The following EYS variants were observed in gnomAD, a reference collection of about 807,000 sequenced individuals.
The protein encoded by EYS is EGF-like photoreceptor maintenance factor.
In EYS, 250 loss-of-function variants were observed where a neutral mutation model predicts 282.1. The observed-to-expected ratio is 0.89, with a 90% CI of 0.80 to 0.98. The LOEUF (loss-of-function observed/expected upper bound fraction) is 0.98. Ranked by LOEUF, EYS falls within the 50% of genes least tolerant of loss-of-function variation. EYS has a pLI of 0.00. For synonymous variants in EYS, 1,355 were observed against 1,282.9 expected (o/e 1.06, Z -1.20); for missense variants, 4,016 against 3,709.0 (o/e 1.08, Z -2.15).
intron 14 of EYS, among the ~76,000 whole-genome samples, chr6:64,968,519 T>G (rs1770177061): frequency 6.6e-6 from 1 of 152,222 alleles, no homozygotes; most frequent in Non-Finnish European, 1.5e-5. Context: ...CCAATCAATC[T>G]CTTTCTCCTT....
At chr6:65,641,601 T>TA in intron 1 of EYS, among the ~76,000 whole-genome samples, 1 of 152,362 alleles carries the variant, frequency 6.6e-6, no homozygotes, top group Non-Finnish European at 1.5e-5. Context: ...CTGTATTACT[T>TA]ACAGTGGTAG....
At chr6:65,362,807 G>A (rs1764764079) in intron 8 of EYS, among the ~76,000 whole-genome samples, 2 of 151,992 alleles carry the variant, frequency 1.3e-5, no homozygotes, top group East Asian at 3.9e-4. Context: ...TGATTCTGAT[G>A]TATTTATTTT....
chr6:65,046,180 G>A (rs891996080), intron 13 of EYS, among the ~76,000 whole-genome samples: 1 of 151,692 alleles, frequency 6.6e-6, no homozygotes, highest in East Asian at 2.0e-4. Flanking sequence ...ACTCCTCTTA[G>A]GCTACAGAGC....
chr6:64,176,912 T>C (rs1764654047), intron 31 of EYS, among the ~76,000 whole-genome samples: 1 of 152,012 alleles, frequency 6.6e-6, no homozygotes, highest in South Asian at 2.1e-4. Flanking sequence ...TTTGACTTTA[T>C]GACAAAGTTG....
chr6:64,540,994 C>G (rs751253050), intron 26 of EYS, among the ~76,000 whole-genome samples: 1 of 152,138 alleles, frequency 6.6e-6, no homozygotes, highest in Non-Finnish European at 1.5e-5. Context: ...TGCTCCACGG[C>G]GGCTGAGTTA....
chr6:65,529,731 C>T (rs1445261983), intron 2 of EYS, among the ~76,000 whole-genome samples: 3 of 152,098 alleles, frequency 2.0e-5, no homozygotes, highest in Non-Finnish European at 4.4e-5. Context: ...GTGATTAAAT[C>T]ATGATGTAAT....
At position 65,411,813 on chromosome 6, in the gene EYS, G is replaced by A. The variant is rs192489454; in HGVS notation, c.863-6446C>T. On this transcript the variant is annotated intron_variant, in intron 5 of 42. Transcript: ENST00000503581. Reference sequence around the variant, plus strand: ...TTAAAGCTCTTATGTGCACCAATACGTCTTTTTTTTTTTTTCGGTTAATTG... The same window carrying A: ...TTAAAGCTCTTATGTGCACCAATACATCTTTTTTTTTTTTTCGGTTAATTG... 4.8e-3 allele frequency among the ~76,000 whole-genome samples: 704 copies of A among 147,180 alleles called. 6 individuals carry two copies. The highest frequency in any genetic ancestry group is 0.017 in the African/African-American group (668 of 39,504).
At chr6:65,487,377 G>C (rs1765833133) in intron 5 of EYS, among the ~76,000 whole-genome samples, 1 of 152,106 alleles carries the variant, frequency 6.6e-6, no homozygotes, top group African/African-American at 2.4e-5. Flanking sequence ...AGAGTTTTTA[G>C]CATGAAAGGC....
At chr6:64,828,880 G>T (rs1389091473) in intron 19 of EYS, among the ~76,000 whole-genome samples, 1 of 151,946 alleles carries the variant, frequency 6.6e-6, no homozygotes, top group African/African-American at 2.4e-5. Context: ...TGGATGGGTT[G>T]ACTTGGTATA....
chr6:63,973,688 T>C (rs1402673719), intron 35 of EYS, among the ~76,000 whole-genome samples: 1 of 152,166 alleles, frequency 6.6e-6, no homozygotes, highest in Admixed American at 6.5e-5. Flanking sequence ...ACTTGGTAAT[T>C]ATTAGGTCAA....
Position 65,169,481 on chromosome 6 carries a change from A to C in EYS, c.2024-111754T>G, listed in dbSNP as rs188371485. ...TTAAATGTTTACATTTTAATTAGAG[A>C]TATCAGAAAACACAGTATAACCTCT... On this transcript the variant is annotated intron_variant, in intron 12 of 42. Coordinates refer to ENST00000503581, the MANE Select transcript of EYS (RefSeq NM_001142800.2). Among the ~76,000 whole-genome samples, 703 of 151,654 alleles carry C rather than the reference A, an allele frequency of 4.6e-3. 11 individuals are homozygous for C. The highest frequency in any genetic ancestry group is 0.015 in the African/African-American group (613 of 41,480).
intron 22 of EYS, among the ~76,000 whole-genome samples, chr6:64,688,096 C>G (rs1770225798): frequency 1.3e-5 from 2 of 151,578 alleles, no homozygotes; most frequent in African/African-American, 4.9e-5. Context: ...TTTATTGTGT[C>G]TATTTGATTC....
At chr6:64,334,619 G>A in intron 29 of EYS, among the ~76,000 whole-genome samples, 1 of 152,146 alleles carries the variant, frequency 6.6e-6, no homozygotes, top group African/African-American at 2.4e-5. Flanking sequence ...ATTATAGTCA[G>A]TGAAACAGCC....
chr6:65,075,617 G>T (rs1220473997), intron 12 of EYS, among the ~76,000 whole-genome samples: 1 of 151,866 alleles, frequency 6.6e-6, no homozygotes, highest in Non-Finnish European at 1.5e-5. Context: ...AAATAGTATT[G>T]TATCAGTCTT....
intron 2 of EYS, among the ~76,000 whole-genome samples, chr6:65,519,708 A>ATATATATATATATTTTTTT (rs1554205854): frequency 2.3e-5 from 1 of 42,562 alleles, no homozygotes; most frequent in African/African-American, 1.3e-4. Flanking sequence ...ATATATATAT[A>ATATATATATATATTTTTTT]TTTTTTTTTT....
At chr6:65,156,373 C>G (rs764814521) in intron 12 of EYS, among the ~76,000 whole-genome samples, 1 of 150,998 alleles carries the variant, frequency 6.6e-6, no homozygotes, top group Non-Finnish European at 1.5e-5. Context: ...ATCTTTGGCC[C>G]AGATATATGA....
chr6:64,676,439 T>C (rs1301977552), intron 22 of EYS, among the ~76,000 whole-genome samples: 4 of 150,722 alleles, frequency 2.7e-5, no homozygotes, highest in African/African-American at 9.7e-5. Context: ...ATTATCTACG[T>C]TTCTGACCTC....
chr6:64,312,568 C>G (rs1360748494), intron 29 of EYS, among the ~76,000 whole-genome samples: 1 of 152,194 alleles, frequency 6.6e-6, no homozygotes, highest in Admixed American at 6.5e-5. Flanking sequence ...GTCCCTGACA[C>G]CTGTGTATCC....
intron 35 of EYS, among the ~76,000 whole-genome samples, chr6:63,868,893 C>T (rs1772732329): frequency 6.6e-6 from 1 of 152,160 alleles, no homozygotes; most frequent in Non-Finnish European, 1.5e-5. Flanking sequence ...TTTTCTTTGT[C>T]TGTTTCTAGG....
Sources: gnomAD v4.1 joint callset for allele counts (sites outside exome capture counted in the v4.1 genomes callset) on GRCh38, gnomAD v4.1.1 for gene constraint, MANE v1.5 for transcripts, NCBI Gene and HGNC (gene_info 2026-07-23, HGNC 2026-07-21) for gene names.